The following UNC5C variants were observed in gnomAD, a reference collection of about 807,000 sequenced individuals.
UNC5C encodes the protein unc-5 netrin receptor C.
UNC5C carries 47 observed loss-of-function variants against 99.8 expected under a neutral mutation model. The ratio of observed to expected loss-of-function variants is 0.47; its 90% CI spans 0.37 to 0.60. The LOEUF (loss-of-function observed/expected upper bound fraction) is 0.60, where lower values mean the gene tolerates loss of function less well. Ranked by LOEUF, UNC5C falls within the 20% of genes least tolerant of loss-of-function variation. The pLI is 0.00. For synonymous variants in UNC5C, 487 were observed against 452.2 expected (o/e 1.08, Z -0.98); for missense variants, 1,062 against 1,165.9 (o/e 0.91, Z 1.30).
intron 6 of UNC5C, among the ~76,000 whole-genome samples, chr4:95,243,686 T>G (rs1420277931): frequency 1.3e-5 from 2 of 152,208 alleles, no homozygotes; most frequent in East Asian, 1.9e-4. Context: ...TTGTGTATAA[T>G]GTGGATATGG....
intron 7 of UNC5C, among the ~76,000 whole-genome samples, chr4:95,239,838 T>C (rs901556784): frequency 1.2e-4 from 19 of 152,248 alleles, no homozygotes; most frequent in Non-Finnish European, 2.2e-4. Flanking sequence ...ATTTTCTATA[T>C]ATTTCACATT....
At chr4:95,242,701 C>T in intron 6 of UNC5C, 108 bp from the exon 7 acceptor site, 15 of 1,245,672 alleles carry the variant, frequency 1.2e-5, no homozygotes, top group Admixed American at 3.0e-5. Context: ...CAAGCATGCC[C>T]TACTGAGAAG....
intron 12 of UNC5C, among the ~76,000 whole-genome samples, chr4:95,191,379 G>A (rs1737084912): frequency 6.6e-6 from 1 of 152,148 alleles, no homozygotes. Context: ...ATCTATTAGA[G>A]TATGACAAGT....
intron 1 of UNC5C, among the ~76,000 whole-genome samples, chr4:95,470,261 A>G (rs1188203584): frequency 6.6e-6 from 1 of 152,132 alleles, no homozygotes; most frequent in East Asian, 1.9e-4. Context: ...AATTGCTACA[A>G]TCTCCAAAAA....
At chr4:95,541,393 C>G (rs1340601453) in intron 1 of UNC5C, among the ~76,000 whole-genome samples, 1 of 151,012 alleles carries the variant, frequency 6.6e-6, no homozygotes, top group African/African-American at 2.4e-5. Flanking sequence ...GATGGGAGTT[C>G]CATACTATCT....
rs370458167 is a variant in UNC5C at position 95,301,639 on chromosome 4, T to A, written c.457A>T (p.Thr153Ser). The A allele has an allele frequency of 6.2e-7, 1 of 1,614,010 alleles. No homozygotes were observed. The highest frequency in any genetic ancestry group is 1.7e-5 in the Admixed American group (1 of 60,024). Reference sequence around the variant, plus strand: ...CGCACATACGCCTTCCGGCTCTTTGTGGTACCCGCGGAGCTCCAGGCCACA... The same window carrying A: ...CGCACATACGCCTTCCGGCTCTTTGAGGTACCCGCGGAGCTCCAGGCCACA... The part of the protein sequence containing the change: ...QCVAWSSAGT[T>S]KSRKAYVRIA... The change falls in exon 3 of 16, where the codon ACA becomes TCA. Residue 153 changes from threonine to serine, a missense_variant. Transcript: ENST00000453304.
At chr4:95,408,811 G>A (rs1260027421) in intron 1 of UNC5C, among the ~76,000 whole-genome samples, 1 of 152,100 alleles carries the variant, frequency 6.6e-6, no homozygotes, top group African/African-American at 2.4e-5. Context: ...ATGAGATAAG[G>A]GTGATCTACA....
intron 1 of UNC5C, among the ~76,000 whole-genome samples, chr4:95,516,304 T>C (rs1722216588): frequency 6.6e-6 from 1 of 152,206 alleles, no homozygotes; most frequent in South Asian, 2.1e-4. Flanking sequence ...AATGTGAACC[T>C]TGTGGACTGG....
At chr4:95,276,041 T>C (rs750766654) in intron 4 of UNC5C, among the ~76,000 whole-genome samples, 2 of 152,206 alleles carry the variant, frequency 1.3e-5, no homozygotes, top group Non-Finnish European at 2.9e-5. Context: ...TATTAAATAA[T>C]GAATGCATTT....
chr4:95,314,144 C>T (rs1311989641), intron 2 of UNC5C, among the ~76,000 whole-genome samples: 2 of 152,124 alleles, frequency 1.3e-5, no homozygotes, highest in African/African-American at 4.8e-5. Context: ...GAGAAGAGCA[C>T]CACTAATTGA....
chr4:95,514,465 G>A (rs182899363), intron 1 of UNC5C, among the ~76,000 whole-genome samples: 2,037 of 151,746 alleles, frequency 0.013, 13 homozygotes, highest in Admixed American at 0.016. Context: ...TCTCTGAGAC[G>A]CCTTCTTTGG....
chr4:95,546,731 T>A (rs899186510), intron 1 of UNC5C, among the ~76,000 whole-genome samples: 7 of 152,332 alleles, frequency 4.6e-5, no homozygotes, highest in Non-Finnish European at 8.8e-5. Flanking sequence ...GCATCTTTTC[T>A]TTTTAATCTC....
At chr4:95,208,203 T>C (rs565451258) in intron 10 of UNC5C, among the ~76,000 whole-genome samples, 5 of 152,318 alleles carry the variant, frequency 3.3e-5, no homozygotes, top group Admixed American at 3.3e-4. Flanking sequence ...ACAAAATTGT[T>C]GCTGTTGATT....
intron 14 of UNC5C, among the ~76,000 whole-genome samples, chr4:95,178,997 C>T (rs1736486240): frequency 6.6e-6 from 1 of 152,140 alleles, no homozygotes; most frequent in Admixed American, 6.5e-5. Context: ...ATTAGTTCTT[C>T]CTTTACTTCC....
At position 95,332,017 on chromosome 4, in the gene UNC5C, C is replaced by T. The variant is rs574116283; in HGVS notation, c.346+3393G>A. ...ACCTAGGAATCCAACTTACAAGGGA[C>T]GTGAAGGACCTCTTCAAGGAGAACT... On this transcript the variant is annotated intron_variant, in intron 2 of 15. Transcript: ENST00000453304. Among the ~76,000 whole-genome samples, 1,457 of 151,812 alleles carry T rather than the reference C, an allele frequency of 9.6e-3. 8 individuals are homozygous for T. Among genetic ancestry groups the T allele is most frequent in the Non-Finnish European group, 0.011 (767 of 67,890 alleles).
At chr4:95,521,202 T>C (rs1722346771) in intron 1 of UNC5C, among the ~76,000 whole-genome samples, 1 of 94,624 alleles carries the variant, frequency 1.1e-5, no homozygotes. Flanking sequence ...TCTTCTTCTT[T>C]TTTTTTTCTT....
intron 1 of UNC5C, among the ~76,000 whole-genome samples, chr4:95,397,431 T>A (rs1392944475): frequency 2.0e-5 from 3 of 152,144 alleles, no homozygotes; most frequent in Non-Finnish European, 4.4e-5. Context: ...GAAAAGTTAG[T>A]AAGAAAACAC....
intron 4 of UNC5C, among the ~76,000 whole-genome samples, chr4:95,255,480 G>A (rs191255924): frequency 5.9e-5 from 9 of 152,132 alleles, no homozygotes; most frequent in Non-Finnish European, 8.8e-5. Flanking sequence ...CTCACTTTCA[G>A]CTGATGACCA....
chr4:95,415,477 C>A (rs1190923510), intron 1 of UNC5C, among the ~76,000 whole-genome samples: 1 of 151,868 alleles, frequency 6.6e-6, no homozygotes, highest in Non-Finnish European at 1.5e-5. Flanking sequence ...AGAAAACCAA[C>A]CAAAGAAGCA....
Sources: gnomAD v4.1 joint callset for allele counts (sites outside exome capture counted in the v4.1 genomes callset) on GRCh38, gnomAD v4.1.1 for gene constraint, MANE v1.5 for transcripts, NCBI Gene and HGNC (gene_info 2026-07-23, HGNC 2026-07-21) for gene names.